SCAMP1: variants seen among roughly 807,000 people sequenced by gnomAD.
SCAMP1 encodes the protein secretory carrier membrane protein 1.
Under a neutral mutation model 41.8 loss-of-function variants are expected in SCAMP1, and 15 were observed. That is an observed-to-expected ratio of 0.36 (90% confidence interval 0.24 to 0.55). The LOEUF is 0.55. Among genes scored for constraint, SCAMP1 ranks in the 20% least tolerant of loss-of-function variants. The pLI is 0.86. For synonymous variants in SCAMP1, 135 were observed against 136.8 expected (o/e 0.99, Z 0.09); for missense variants, 341 against 412.6 (o/e 0.83, Z 1.50).
At chr5:78,379,962 A>G (rs989868651) in intron 1 of SCAMP1, among the ~76,000 whole-genome samples, 3 of 152,224 alleles carry the variant, frequency 2.0e-5, no homozygotes, top group African/African-American at 7.2e-5. Flanking sequence ...AATTAAGTCT[A>G]GCTTCGAAGT....
At chr5:78,368,884 G>A (rs917713194) in intron 1 of SCAMP1, among the ~76,000 whole-genome samples, 1 of 151,986 alleles carries the variant, frequency 6.6e-6, no homozygotes, top group African/African-American at 2.4e-5. Flanking sequence ...TTACTTGAAG[G>A]TAAAGGTAAA....
intron 1 of SCAMP1, 127 bp downstream of exon 1, chr5:78,360,855 C>A: frequency 2.2e-6 from 2 of 898,080 alleles, no homozygotes; most frequent in Non-Finnish European, 3.4e-6. Context: ...GGGCGCGGGG[C>A]CGCCGTCCTC....
chr5:78,415,756 G>A, intron 3 of SCAMP1, 138 bp downstream of exon 3: 1 of 618,200 alleles, frequency 1.6e-6, no homozygotes, highest in Non-Finnish European at 2.9e-6. Context: ...TGGATTTGCT[G>A]TCTTGTCACC....
intron 1 of SCAMP1, among the ~76,000 whole-genome samples, chr5:78,364,512 C>T (rs1309084605): frequency 1.3e-5 from 2 of 152,144 alleles, no homozygotes; most frequent in Non-Finnish European, 2.9e-5. Flanking sequence ...CACACTTGCT[C>T]ATTGTCTTGT....
At chr5:78,454,636 A>G (rs1163130120) in intron 7 of SCAMP1, among the ~76,000 whole-genome samples, 2 of 152,142 alleles carry the variant, frequency 1.3e-5, no homozygotes, top group African/African-American at 4.8e-5. Flanking sequence ...ATATTGGTCT[A>G]AAATTCTCTT....
At position 78,433,357 on chromosome 5, in the gene SCAMP1, G is replaced by A. The variant is rs558473707; in HGVS notation, c.632+11397G>A. ...AGACGGTAGAGACTGAAATAAATAGGTTTTGTGCCTTAAGTGGGAGGTGAG... is the reference window on the plus strand; with the variant it reads ...AGACGGTAGAGACTGAAATAAATAGATTTTGTGCCTTAAGTGGGAGGTGAG... On this transcript the variant is annotated intron_variant, in intron 6 of 8. Coordinates refer to ENST00000621999, the MANE Select transcript of SCAMP1 (RefSeq NM_004866.6). Among the ~76,000 whole-genome samples the A allele has an allele frequency of 2.6e-5, 4 of 152,156 alleles. No individual in the cohort carries two copies. In the South Asian group the frequency reaches 6.2e-4, roughly 24 times the overall value.
chr5:78,378,269 GACT>G (rs1345781474), intron 1 of SCAMP1, among the ~76,000 whole-genome samples: 1 of 152,148 alleles, frequency 6.6e-6, no homozygotes, highest in African/African-American at 2.4e-5. Flanking sequence ...TATGTTATTA[GACT>G]ACTATTTAGC....
intron 8 of SCAMP1, among the ~76,000 whole-genome samples, chr5:78,469,931 A>AAAAAAAAAAAAAAAAAAAAAAAAG (rs1753843045): frequency 4.9e-5 from 1 of 20,612 alleles, no homozygotes; most frequent in African/African-American, 3.0e-4. Flanking sequence ...AAAAAAAAAA[A>AAAAAAAAAAAAAAAAAAAAAAAAG]ACAACAACAC....
intron 1 of SCAMP1, chr5:78,370,924 A>C (rs1750929052): frequency 1.3e-5 from 2 of 152,126 alleles, no homozygotes; most frequent in Admixed American, 1.3e-4. Flanking sequence ...CTGATAACTA[A>C]TGATGTTGAG....
rs111850482 is a variant in SCAMP1, at chr5:78,396,768, C to T, written c.135+7854C>T. On this transcript the variant is annotated intron_variant, in intron 2 of 8. Transcript: ENST00000621999. ...GACTGAGAAGAAACAACTTAGTGTT[C>T]TGAAAGCCAAGTGAAGAAAGTGTTT... is the stretch of plus-strand genomic sequence containing the variant. Among the ~76,000 whole-genome samples the T allele has an allele frequency of 1.9e-3, 290 of 152,232 alleles. 1 individual carries two copies. Among genetic ancestry groups the T allele is most frequent in the African/African-American group, 6.2e-3 (258 of 41,536 alleles).
chr5:78,424,168 G>T (rs775504904), intron 6 of SCAMP1, among the ~76,000 whole-genome samples: 8 of 152,046 alleles, frequency 5.3e-5, no homozygotes, highest in Non-Finnish European at 1.2e-4. Flanking sequence ...GAGCCACTGC[G>T]CCCAGCCTCG....
intron 1 of SCAMP1, among the ~76,000 whole-genome samples, chr5:78,363,172 G>A (rs1750703502): frequency 1.3e-5 from 2 of 151,362 alleles, no homozygotes; most frequent in South Asian, 2.1e-4. Flanking sequence ...GATTACGGGC[G>A]GGAGCCACTG....
At chr5:78,389,006 TTAAA>T (rs1429360851) in intron 2 of SCAMP1, 92 bp downstream of exon 2, 11 of 623,898 alleles carry the variant, frequency 1.8e-5, no homozygotes, top group Non-Finnish European at 2.7e-5. Context: ...TTGCTTACAC[TTAAA>T]TAAAACAAAT....
At chr5:78,438,215 C>T (rs1257613477) in intron 6 of SCAMP1, among the ~76,000 whole-genome samples, 1 of 152,164 alleles carries the variant, frequency 6.6e-6, no homozygotes, top group Non-Finnish European at 1.5e-5. Flanking sequence ...CTATCTCCTT[C>T]AGTTCTGCTC....
intron 1 of SCAMP1, among the ~76,000 whole-genome samples, chr5:78,380,903 TA>T (rs1441990057): frequency 6.6e-6 from 1 of 152,094 alleles, no homozygotes; most frequent in African/African-American, 2.4e-5. Flanking sequence ...CTGTCTCTAC[TA>T]AAAATACAAA....
intron 8 of SCAMP1, among the ~76,000 whole-genome samples, chr5:78,460,656 A>G (rs979877846): frequency 6.6e-6 from 1 of 151,042 alleles, no homozygotes; most frequent in East Asian, 1.9e-4. Context: ...CCTTTGTCAG[A>G]TGCATAGTTT....
At chr5:78,404,299 G>GT (rs942447060) in intron 2 of SCAMP1, among the ~76,000 whole-genome samples, 78 of 151,984 alleles carry the variant, frequency 5.1e-4, no homozygotes, top group African/African-American at 1.6e-3. Flanking sequence ...CTACAGGCAT[G>GT]TGCCACCAAG....
intron 6 of SCAMP1, among the ~76,000 whole-genome samples, chr5:78,440,077 T>C (rs1340010409): frequency 3.3e-5 from 5 of 152,204 alleles, no homozygotes; most frequent in African/African-American, 7.2e-5. Context: ...AGGTCTTCTC[T>C]ATGCTGTTTA....
At chr5:78,377,175 T>C (rs1198983384) in intron 1 of SCAMP1, among the ~76,000 whole-genome samples, 2 of 152,176 alleles carry the variant, frequency 1.3e-5, no homozygotes, top group African/African-American at 4.8e-5. Context: ...CACAAAGTCA[T>C]TTCTCACCAG....
Sources: allele counts gnomAD v4.1 joint callset (sites outside exome capture counted in the v4.1 genomes callset), GRCh38; gene constraint gnomAD v4.1.1; transcripts MANE v1.5; gene names NCBI Gene and HGNC (gene_info 2026-07-23, HGNC 2026-07-21).